The following FHOD3 variants were observed in gnomAD, a reference collection of about 807,000 sequenced individuals.
FHOD3 encodes the protein FH1/FH2 domain-containing protein 3.
Under a neutral mutation model 173.0 loss-of-function variants are expected in FHOD3, and 90 were observed. That is an observed-to-expected ratio of 0.52 (90% CI 0.44 to 0.62). The LOEUF is 0.62. Among genes scored for constraint, FHOD3 ranks in the 20% least tolerant of loss-of-function variants. The pLI is 0.00. For missense variants in FHOD3, 1,945 were observed against 2,034.7 expected, an observed-to-expected ratio of 0.96 and a Z score of 0.85; for synonymous variants, 828 against 823.0, an observed-to-expected ratio of 1.01 and a Z score of -0.10.
intron 3 of FHOD3, among the ~76,000 whole-genome samples, chr18:36,442,061 A>G (rs952316646): frequency 3.3e-5 from 5 of 152,186 alleles, no homozygotes; most frequent in South Asian, 4.1e-4. Context: ...ATTTTTCACA[A>G]TTTAGAAGTG....
At chr18:36,645,980 A>T (rs2035654286) in intron 10 of FHOD3, among the ~76,000 whole-genome samples, 1 of 152,174 alleles carries the variant, frequency 6.6e-6, no homozygotes, top group Non-Finnish European at 1.5e-5. Flanking sequence ...TCTATGACAA[A>T]CCTTATACTT....
chr18:36,352,978 A>G (rs62084133), intron 1 of FHOD3, among the ~76,000 whole-genome samples: 3,837 of 152,336 alleles, frequency 0.025, 73 homozygotes, highest in Middle Eastern at 0.071. Flanking sequence ...GTCTGATTTC[A>G]GTCCACTGGT....
Position 36,506,825 on chromosome 18 carries a change from C to T in FHOD3, c.405+4826C>T, listed in dbSNP as rs567184916. Among the ~76,000 whole-genome samples the T allele has an allele frequency of 3.1e-4, 47 of 152,174 alleles. 1 individual carries two copies. Among genetic ancestry groups the T allele is most frequent in the Admixed American group, 1.0e-3 (16 of 15,304 alleles). ...AAAGCAAAGATTTCTAAGACAAAAA[C>T]GCTTGTTAATGAGGCAGATGATTGT... On this transcript the variant is annotated intron_variant, in intron 4 of 28. Transcript: ENST00000590592.
intron 3 of FHOD3, among the ~76,000 whole-genome samples, chr18:36,482,538 G>C (rs540168727): frequency 6.6e-6 from 1 of 152,232 alleles, no homozygotes; most frequent in African/African-American, 2.4e-5. Context: ...TTCCTTGCCA[G>C]ATGAGACTGG....
intron 3 of FHOD3, among the ~76,000 whole-genome samples, chr18:36,417,331 G>C (rs1176772722): frequency 6.6e-6 from 1 of 152,126 alleles, no homozygotes; most frequent in Non-Finnish European, 1.5e-5. Context: ...TTGGTTTTCT[G>C]TTCCTGCATT....
At chr18:36,452,391 A>G (rs1028788455) in intron 3 of FHOD3, among the ~76,000 whole-genome samples, 1 of 152,170 alleles carries the variant, frequency 6.6e-6, no homozygotes, top group African/African-American at 2.4e-5. Flanking sequence ...CAAAAGAAAA[A>G]CAGAATGGCT....
rs779333572 is a variant in FHOD3 at position 36,755,233 on chromosome 18, G to T, written c.4347G>T (p.Arg1449Ser). ...TTGCACTAGAGTATCGCACAACCAG[G>T]GAAAGGGTTTTGCAGCAGAAACAGA... is the stretch of plus-strand genomic sequence containing the variant. ...SEFALEYRTT[R>S]ERVLQQKQKR... is the part of the protein sequence containing the mutation. Residue 1449 changes from arginine (R) to serine (S), a missense_variant, in exon 25 of 29, where the codon AGG becomes AGT. Physicochemically the swap from Arg to Ser is moderately radical, Grantham distance 110 (BLOSUM62 -1). Transcript: ENST00000590592. 6.2e-7 allele frequency: 1 copy of T among 1,612,348 alleles called. No individual in the cohort carries two copies. Among genetic ancestry groups the T allele is most frequent in the South Asian group, 1.1e-5 (1 of 90,906 alleles).
chr18:36,443,872 A>G (rs1181604683), intron 3 of FHOD3, among the ~76,000 whole-genome samples: 1 of 152,202 alleles, frequency 6.6e-6, no homozygotes, highest in Non-Finnish European at 1.5e-5. Context: ...CTTCATCAAT[A>G]AGAAACTCAG....
intron 19 of FHOD3, among the ~76,000 whole-genome samples, chr18:36,720,388 C>G (rs1205179763): frequency 2.0e-5 from 3 of 151,970 alleles, no homozygotes; most frequent in Non-Finnish European, 1.5e-5. Context: ...CAGGTGCCCA[C>G]TGCTACACCC....
At chr18:36,425,607 C>T (rs964460850) in intron 3 of FHOD3, among the ~76,000 whole-genome samples, 10 of 152,052 alleles carry the variant, frequency 6.6e-5, no homozygotes, top group African/African-American at 2.2e-4. Flanking sequence ...CCAACAGTGG[C>T]GCTTGACTCC....
chr18:36,760,636 C>A lies in FHOD3; in HGVS notation c.4478C>A (p.Ala1493Glu). Reference sequence around the variant, plus strand: ...GGCAAGTTCTCCGGCAGTTCTCCGGCGCCCCCAAGCCAGCCGCAGGGTCTG... The same window carrying A: ...GGCAAGTTCTCCGGCAGTTCTCCGGAGCCCCCAAGCCAGCCGCAGGGTCTG... ...ESGKFSGSSP[A>E]PPSQPQGLSY... The change falls in exon 27 of 29, where the codon GCG (alanine) becomes GAG (glutamate). Residue 1493 changes from alanine to glutamate, a missense_variant. Around this residue, in one of 5 missense-constraint regions of FHOD3, gnomAD observed 354 missense variants for 359.9 expected, o/e 0.98. Coordinates refer to ENST00000590592, the MANE Select transcript of FHOD3 (RefSeq NM_001281740.3). 6.3e-7 allele frequency: 1 copy of A among 1,587,904 alleles called. No individual in the cohort carries two copies.
At chr18:36,675,543 C>T (rs1323265125) in intron 14 of FHOD3, among the ~76,000 whole-genome samples, 1 of 152,144 alleles carries the variant, frequency 6.6e-6, no homozygotes. Context: ...CAGGAGCCTC[C>T]TATGCCACTG....
chr18:36,671,801 G>A (rs1391553206), intron 14 of FHOD3, among the ~76,000 whole-genome samples: 1 of 152,200 alleles, frequency 6.6e-6, no homozygotes, highest in Non-Finnish European at 1.5e-5. Flanking sequence ...GGAGAAGCAG[G>A]CGACAGGGAC....
At chr18:36,510,238 G>A (rs1188343623) in intron 4 of FHOD3, among the ~76,000 whole-genome samples, 1 of 152,184 alleles carries the variant, frequency 6.6e-6, no homozygotes, top group Admixed American at 6.5e-5. Flanking sequence ...GCAGCAATAA[G>A]CACCTATCAG....
At chr18:36,492,232 G>C (rs944423276) in intron 3 of FHOD3, among the ~76,000 whole-genome samples, 4 of 152,054 alleles carry the variant, frequency 2.6e-5, no homozygotes, top group Non-Finnish European at 4.4e-5. Flanking sequence ...TTCTCACTGT[G>C]GTTCATTTTG....
At chr18:36,330,668 T>C (rs1433777629) in intron 1 of FHOD3, among the ~76,000 whole-genome samples, 1 of 152,106 alleles carries the variant, frequency 6.6e-6, no homozygotes, top group Non-Finnish European at 1.5e-5. Flanking sequence ...CCACCAGAGG[T>C]AGGCAGGGTG....
intron 16 of FHOD3, among the ~76,000 whole-genome samples, chr18:36,690,737 A>G (rs1382839072): frequency 6.6e-6 from 1 of 151,978 alleles, no homozygotes; most frequent in Non-Finnish European, 1.5e-5. Flanking sequence ...CCATATAAAA[A>G]AAAAACTTTT....
At chr18:36,763,135 T>TTATATATGTGTATTATACACGTTA (rs1224785105) in intron 27 of FHOD3, among the ~76,000 whole-genome samples, 1 of 148,242 alleles carries the variant, frequency 6.7e-6, no homozygotes, top group South Asian at 2.2e-4. Context: ...ATTATACACG[T>TTATATATGTGTATTATACACGTTA]TATATATGTG....
intron 20 of FHOD3, among the ~76,000 whole-genome samples, chr18:36,738,959 G>A (rs1031836092): frequency 1.3e-5 from 2 of 151,808 alleles, no homozygotes; most frequent in Admixed American, 1.3e-4. Flanking sequence ...TGAGGTAGGA[G>A]AGCAGCAGGA....
Sources: allele counts gnomAD v4.1 joint callset (sites outside exome capture counted in the v4.1 genomes callset), GRCh38; gene constraint gnomAD v4.1.1; regional missense constraint gnomAD v4.1.1; transcripts MANE v1.5; gene names NCBI Gene and HGNC (gene_info 2026-07-23, HGNC 2026-07-21).